The following TXNDC12 variants were observed in gnomAD, a reference collection of about 807,000 sequenced individuals.
The protein encoded by TXNDC12 is thioredoxin domain-containing protein 12.
TXNDC12 carries 22 observed loss-of-function variants against 24.2 expected under a neutral mutation model. That is an observed-to-expected ratio of 0.91 (90% CI 0.65 to 1.30). TXNDC12 has a LOEUF of 1.30. TXNDC12 is among the 50% of genes most tolerant of loss of function. TXNDC12 has a pLI of 0.00. For synonymous variants in TXNDC12, 58 were observed against 73.4 expected (o/e 0.79, Z 1.07); for missense variants, 184 against 205.8 (o/e 0.89, Z 0.65).
intron 2 of TXNDC12, among the ~76,000 whole-genome samples, chr1:52,041,028 C>G (rs1378941840): frequency 7.0e-6 from 1 of 143,750 alleles, no homozygotes; most frequent in Non-Finnish European, 1.5e-5. Context: ...AAGCAAGACT[C>G]TGTCTCAAAA....
At chr1:52,043,198 G>C (rs1335077659) in intron 1 of TXNDC12, among the ~76,000 whole-genome samples, 1 of 152,144 alleles carries the variant, frequency 6.6e-6, no homozygotes, top group Admixed American at 6.5e-5. Context: ...CATTTCTTCT[G>C]GTATATCTTC....
At chr1:52,038,998 G>A (rs1685937353) in intron 2 of TXNDC12, among the ~76,000 whole-genome samples, 1 of 138,252 alleles carries the variant, frequency 7.2e-6, no homozygotes, top group South Asian at 2.2e-4. Flanking sequence ...TGTTGCCCAG[G>A]CTGGTCTCAA....
intron 1 of TXNDC12, among the ~76,000 whole-genome samples, chr1:52,049,781 G>A (rs2124393546): frequency 6.6e-6 from 1 of 151,266 alleles, no homozygotes. Context: ...CAAGCAATCT[G>A]CCCGCCTTGG....
Position 52,033,014 on chromosome 1 carries a change from C to G in TXNDC12, c.159-4384G>C, listed in dbSNP as rs372433236. The G allele has an allele frequency of 1.7e-5, 26 of 1,561,982 alleles. No homozygotes were observed. In the African/African-American group the frequency reaches 2.3e-4, roughly 14 times the overall value. On this transcript the variant is annotated intron_variant, in intron 2 of 6. Transcript: ENST00000371626. ...TGATGGGGTGGTGGGGCCCGGTTCT[C>G]AAACAGGGCAGAGCGGATCCCCGCC...
At chr1:52,026,375 A>T (rs946818269) in intron 4 of TXNDC12, among the ~76,000 whole-genome samples, 1 of 152,196 alleles carries the variant, frequency 6.6e-6, no homozygotes, top group Non-Finnish European at 1.5e-5. Flanking sequence ...AAGATCTGAC[A>T]TTCTATGACT....
At chr1:52,046,396 G>C (rs928066772) in intron 1 of TXNDC12, among the ~76,000 whole-genome samples, 2 of 152,082 alleles carry the variant, frequency 1.3e-5, no homozygotes, top group Non-Finnish European at 2.9e-5. Context: ...CAAAGGCAAA[G>C]TTAGCAGGAT....
chr1:52,024,594 T>C lies in TXNDC12; in HGVS notation c.286-15A>G, dbSNP rs367775318. The C allele has an allele frequency of 2.6e-5, 42 of 1,594,352 alleles. No homozygotes were observed. In the African/African-American group the frequency reaches 3.4e-4, roughly 13 times the overall value. On this transcript the variant is annotated splice_polypyrimidine_tract_variant and intron_variant, in intron 4 of 6. Coordinates refer to ENST00000371626, the MANE Select transcript of TXNDC12 (RefSeq NM_015913.4). Reference sequence around the variant, plus strand: ...TCCTCTTCATCCTATTAAGATTAAATGTAAACCTTAAGTCAGATAACGTCC... The same window carrying C: ...TCCTCTTCATCCTATTAAGATTAAACGTAAACCTTAAGTCAGATAACGTCC...
At position 52,032,734 on chromosome 1, in the gene TXNDC12, T is replaced by C. The variant is rs778933448; in HGVS notation, c.159-4104A>G. The stretch of plus-strand genomic sequence containing the variant: ...CTGGCTCAAATACTGAAGAAACATG[T>C]TGGCCAGTTGCGGCAAGTTCTCATT... On this transcript the variant is annotated intron_variant, in intron 2 of 6. Coordinates refer to ENST00000371626, the MANE Select transcript of TXNDC12 (RefSeq NM_015913.4). 6.6e-5 allele frequency: 107 copies of C among 1,613,142 alleles called. No individual in the cohort carries two copies. The South Asian group carries it at 1.0e-3, about 15-fold the overall frequency.
chr1:52,032,250 G>T (rs1685775892), intron 2 of TXNDC12: 1 of 988,634 alleles, frequency 1.0e-6, no homozygotes, highest in Non-Finnish European at 1.2e-6. Flanking sequence ...AGTCAGTACA[G>T]TACTCAAAAA....
At chr1:52,040,057 CT>C (rs1685957875) in intron 2 of TXNDC12, among the ~76,000 whole-genome samples, 1 of 152,028 alleles carries the variant, frequency 6.6e-6, no homozygotes, top group Admixed American at 6.6e-5. Flanking sequence ...TCAGCCTCCC[CT>C]AGTAGCTGAG....
intron 1 of TXNDC12, among the ~76,000 whole-genome samples, chr1:52,047,197 T>C (rs948473258): frequency 2.0e-5 from 3 of 152,026 alleles, no homozygotes; most frequent in Non-Finnish European, 4.4e-5. Flanking sequence ...AGCACTCAAG[T>C]AGAGGGATTA....
At chr1:52,023,755 C>A (rs1366072775) in intron 5 of TXNDC12, among the ~76,000 whole-genome samples, 181 bp from the exon 6 acceptor site, 1 of 152,016 alleles carries the variant, frequency 6.6e-6, no homozygotes, top group Non-Finnish European at 1.5e-5. Context: ...TGACTTCTAT[C>A]CCCCATAAAA....
At chr1:52,033,331 G>A (rs751687520) in intron 2 of TXNDC12, 3 of 1,613,702 alleles carry the variant, frequency 1.9e-6, no homozygotes, top group Non-Finnish European at 1.7e-6. Context: ...CGCCGCCTGG[G>A]CTCTCCCGTC....
At chr1:52,044,081 A>G (rs1686043513) in intron 1 of TXNDC12, 1 of 152,240 alleles carries the variant, frequency 6.6e-6, no homozygotes, top group Admixed American at 6.6e-5. Flanking sequence ...TCTATTGGTC[A>G]ATATCTAAAC....
At chr1:52,044,136 T>C (rs1195252573) in intron 1 of TXNDC12, 1 of 152,174 alleles carries the variant, frequency 6.6e-6, no homozygotes, top group East Asian at 1.9e-4. Context: ...AACCAGACAG[T>C]CTGAAGGGAT....
intron 2 of TXNDC12, among the ~76,000 whole-genome samples, chr1:52,038,338 G>T (rs1397914120): frequency 1.3e-5 from 2 of 151,030 alleles, no homozygotes. Flanking sequence ...TTGAGACAGG[G>T]TCTCACTCTG....
intron 3 of TXNDC12, among the ~76,000 whole-genome samples, chr1:52,027,853 G>C (rs930016937): frequency 1.3e-5 from 2 of 150,666 alleles, no homozygotes; most frequent in African/African-American, 4.9e-5. Context: ...TTATTTTTGA[G>C]ACAGAGTCTC....
intron 4 of TXNDC12, among the ~76,000 whole-genome samples, chr1:52,024,878 C>T (rs980580951): frequency 2.6e-5 from 4 of 152,356 alleles, no homozygotes; most frequent in African/African-American, 9.6e-5. Context: ...TTATTATCCA[C>T]ATGGTTGACT....
intron 1 of TXNDC12, chr1:52,044,164 T>C (rs1335518124): frequency 1.3e-5 from 2 of 152,150 alleles, no homozygotes; most frequent in Non-Finnish European, 2.9e-5. Context: ...TACAAAACAA[T>C]GAAATCCTAG....
Sources: allele counts gnomAD v4.1 joint callset (sites outside exome capture counted in the v4.1 genomes callset), GRCh38; gene constraint gnomAD v4.1.1; transcripts MANE v1.5; gene names NCBI Gene and HGNC (gene_info 2026-07-23, HGNC 2026-07-21).